The following TEAD1 variants were observed in gnomAD, a reference collection of about 807,000 sequenced individuals.
The protein encoded by TEAD1 is transcriptional enhancer factor TEF-1.
TEAD1 carries 9 observed loss-of-function variants against 54.9 expected under a neutral mutation model. The observed-to-expected ratio is 0.16, with a 90% CI of 0.10 to 0.29. The LOEUF (loss-of-function observed/expected upper bound fraction) is 0.29. Ranked by LOEUF, TEAD1 falls within the 10% of genes least tolerant of loss-of-function variation. TEAD1 has a pLI of 1.00. For synonymous variants in TEAD1, 200 were observed against 187.8 expected (o/e 1.07, Z -0.53); for missense variants, 387 against 535.9 (o/e 0.72, Z 2.74).
At chr11:12,737,027 C>T (rs1712805116) in intron 2 of TEAD1, among the ~76,000 whole-genome samples, 1 of 152,144 alleles carries the variant, frequency 6.6e-6, no homozygotes, top group African/African-American at 2.4e-5. Flanking sequence ...GGCAGTCCAG[C>T]TGTAAGCCAG....
intron 2 of TEAD1, among the ~76,000 whole-genome samples, chr11:12,762,782 G>A (rs903094756): frequency 1.3e-5 from 2 of 152,184 alleles, no homozygotes; most frequent in African/African-American, 4.8e-5. Context: ...GGTGGGGGAG[G>A]ACAGGGGCAC....
chr11:12,844,470 C>T (rs1047922347), intron 3 of TEAD1, among the ~76,000 whole-genome samples: 7 of 151,994 alleles, frequency 4.6e-5, no homozygotes, highest in African/African-American at 1.7e-4. Flanking sequence ...TGATTTGTTG[C>T]CTATATTTTT....
chr11:12,750,885 C>G (rs1944856531), intron 2 of TEAD1, among the ~76,000 whole-genome samples: 1 of 152,178 alleles, frequency 6.6e-6, no homozygotes, highest in African/African-American at 2.4e-5. Flanking sequence ...TTGATTCCTC[C>G]ATTGCATCAG....
At chr11:12,883,362 T>TG (rs1948010104) in intron 9 of TEAD1, among the ~76,000 whole-genome samples, 2 of 152,124 alleles carry the variant, frequency 1.3e-5, no homozygotes, top group Non-Finnish European at 2.9e-5. Context: ...CAAGGTGCTG[T>TG]GGGGAATACT....
rs748078530 is a variant in TEAD1 at position 12,937,227 on chromosome 11, G to C, written c.*5G>C. The C allele has an allele frequency of 1.9e-6, 3 of 1,589,404 alleles. No homozygotes were observed. Among genetic ancestry groups the C allele is most frequent in the African/African-American group, 2.7e-5 (2 of 74,114 alleles). Reference sequence around the variant, plus strand: ...TACAGGCTTGTAAAGGACTGAACATGGTTATTTATATATATAGATATCTGT... The same window carrying C: ...TACAGGCTTGTAAAGGACTGAACATCGTTATTTATATATATAGATATCTGT... On this transcript the variant is annotated 3_prime_UTR_variant, in exon 13 of 13. Transcript: ENST00000527636.
rs1947955713 is a variant in TEAD1 at position 12,881,044 on chromosome 11, T to C, written c.505T>C (p.Ser169Pro). 4.3e-6 allele frequency: 7 copies of C among 1,614,124 alleles called. No homozygotes were observed. Among genetic ancestry groups the C allele is most frequent in the Non-Finnish European group, 5.9e-6 (7 of 1,180,014 alleles). ...GATTCAAACAGGGCAGCCAGGATCC[T>C]CACAAGAGTAAGTCTGAGGAGGGGT... Residue 169 changes from serine to proline, a missense_variant, in exon 7 of 13, where the codon TCA becomes CCA. Around this residue, in one of 5 missense-constraint regions of TEAD1, gnomAD observed 180 missense variants for 180.6 expected, o/e 1.00. Coordinates refer to ENST00000527636, the MANE Select transcript of TEAD1 (RefSeq NM_021961.6).
chr11:12,720,264 TTAAAAA>T (rs1264778387), intron 2 of TEAD1, among the ~76,000 whole-genome samples: 2 of 152,154 alleles, frequency 1.3e-5, no homozygotes, highest in African/African-American at 4.8e-5. Flanking sequence ...ACTCTGACTA[TTAAAAA>T]TAACAGTTAA....
At chr11:12,734,979 A>C (rs1379159660) in intron 2 of TEAD1, among the ~76,000 whole-genome samples, 1 of 152,232 alleles carries the variant, frequency 6.6e-6, no homozygotes, top group Non-Finnish European at 1.5e-5. Context: ...AGATGATATT[A>C]AATGTAGTTT....
intron 2 of TEAD1, among the ~76,000 whole-genome samples, chr11:12,721,652 A>G (rs1003502400): frequency 6.6e-6 from 1 of 152,254 alleles, no homozygotes; most frequent in South Asian, 2.1e-4. Context: ...AAGCATGGAC[A>G]TGTGAAATTG....
At chr11:12,912,196 G>A (rs974649015) in intron 10 of TEAD1, among the ~76,000 whole-genome samples, 33 of 152,104 alleles carry the variant, frequency 2.2e-4, no homozygotes, top group African/African-American at 6.5e-4. Context: ...TGCCAATGTC[G>A]TCTTTGCTTC....
At chr11:12,738,989 A>G (rs1944591846) in intron 2 of TEAD1, among the ~76,000 whole-genome samples, 1 of 152,188 alleles carries the variant, frequency 6.6e-6, no homozygotes, top group South Asian at 2.1e-4. Flanking sequence ...AGGGCAACTC[A>G]GCCTGACATA....
At chr11:12,704,822 G>T (rs181927225) in intron 2 of TEAD1, among the ~76,000 whole-genome samples, 86 of 152,340 alleles carry the variant, frequency 5.6e-4, no homozygotes, top group African/African-American at 2.0e-3. Context: ...TTTATTCATA[G>T]AACTGGGTCT....
rs549361270 is a variant in TEAD1, at chr11:12,935,672, C to T, written c.1168-1437C>T. On this transcript the variant is annotated intron_variant, in intron 12 of 12. Transcript: ENST00000527636. ...ACGGGGTTTCACAGTGTTGGCCAGGCGGGTCTCGAACTCCTGACCTTGTGA... is the reference window on the plus strand; with the variant it reads ...ACGGGGTTTCACAGTGTTGGCCAGGTGGGTCTCGAACTCCTGACCTTGTGA... Among the ~76,000 whole-genome samples, 14 of 152,034 alleles carry T rather than the reference C, an allele frequency of 9.2e-5. No homozygotes were observed. In the South Asian group the frequency reaches 1.9e-3, roughly 20 times the overall value.
chr11:12,792,491 G>T (rs370761704), intron 3 of TEAD1, among the ~76,000 whole-genome samples: 3 of 151,704 alleles, frequency 2.0e-5, no homozygotes, highest in East Asian at 1.9e-4. Flanking sequence ...GTTTATTCAT[G>T]TCTGTATGCT....
At chr11:12,883,795 C>T (rs1031540580) in intron 9 of TEAD1, among the ~76,000 whole-genome samples, 6 of 151,972 alleles carry the variant, frequency 3.9e-5, no homozygotes, top group East Asian at 1.9e-4. Flanking sequence ...AGGTGGATCA[C>T]GAGGTCAGGA....
intron 10 of TEAD1, among the ~76,000 whole-genome samples, chr11:12,923,861 G>T (rs1418228535): frequency 1.3e-5 from 2 of 152,196 alleles, no homozygotes; most frequent in Non-Finnish European, 2.9e-5. Flanking sequence ...TGTTGCACTG[G>T]GGTTTAAGCT....
chr11:12,753,063 T>C (rs1944909754), intron 2 of TEAD1, among the ~76,000 whole-genome samples: 1 of 151,090 alleles, frequency 6.6e-6, no homozygotes, highest in South Asian at 2.1e-4. Flanking sequence ...CAGGCTGCTC[T>C]CAACTCCTGC....
At chr11:12,840,246 C>CAAAAAAAAAAAAAAAAAAAAA (rs1176865272) in intron 3 of TEAD1, among the ~76,000 whole-genome samples, 18 of 31,550 alleles carry the variant, frequency 5.7e-4, no homozygotes, top group East Asian at 2.7e-3. Flanking sequence ...GACTCTGCCT[C>CAAAAAAAAAAAAAAAAAAAAA]AAAAAAAAAA....
chr11:12,918,325 TTATA>T lies in TEAD1; in HGVS notation c.874-6581_874-6578del, dbSNP rs1392907331. Among the ~76,000 whole-genome samples, 3 of 149,916 alleles carry T rather than the reference TTATA, an allele frequency of 2.0e-5. No individual in the cohort carries two copies. In the East Asian group the frequency reaches 5.8e-4, roughly 29 times the overall value. ...GACAGATAATTATATATATATAAAA[TTATA>T]TATATCTTGATAATTATATATATAT... On this transcript the variant is annotated intron_variant, in intron 10 of 12. Transcript: ENST00000527636.
Sources: allele counts gnomAD v4.1 joint callset (sites outside exome capture counted in the v4.1 genomes callset), GRCh38; gene constraint gnomAD v4.1.1; regional missense constraint gnomAD v4.1.1; transcripts MANE v1.5; gene names NCBI Gene and HGNC (gene_info 2026-07-23, HGNC 2026-07-21).